EPG5: variants seen among roughly 807,000 people sequenced by gnomAD.
EPG5 encodes the protein ectopic P-granules 5 autophagy tethering factor.
In EPG5, 159 loss-of-function variants were observed where a neutral mutation model predicts 302.7. The ratio of observed to expected loss-of-function variants is 0.53; its 90% CI spans 0.46 to 0.60. The LOEUF (loss-of-function observed/expected upper bound fraction) is 0.60, where lower values mean the gene tolerates loss of function less well. Among genes scored for constraint, EPG5 ranks in the 20% least tolerant of loss-of-function variants. The probability of loss-of-function intolerance (pLI) is 0.00; values close to 1 mark genes in which losing one functional copy is unlikely to be tolerated. For missense variants in EPG5, 2,896 were observed against 3,092.4 expected, an observed-to-expected ratio of 0.94 and a Z score of 1.51; for synonymous variants, 1,158 against 1,136.8, an observed-to-expected ratio of 1.02 and a Z score of -0.37.
intron 22 of EPG5, among the ~76,000 whole-genome samples, chr18:45,911,106 C>T (rs1294524643): frequency 1.0e-3 from 148 of 144,986 alleles, no homozygotes; most frequent in African/African-American, 3.4e-3. Context: ...CACACACACA[C>T]ACACATATAT....
chr18:45,855,004 T>C (rs567688584), intron 43 of EPG5, among the ~76,000 whole-genome samples: 2 of 152,120 alleles, frequency 1.3e-5, no homozygotes, highest in South Asian at 4.1e-4. Flanking sequence ...CATCATTTTT[T>C]ACTGTGCACC....
In EPG5 at chr18:45,954,689, C is replaced by T. The variant is rs370270531; in HGVS notation, c.713G>A (p.Arg238His). 9 of 1,614,208 alleles carry T rather than the reference C, an allele frequency of 5.6e-6. No individual in the cohort carries two copies. Among genetic ancestry groups the T allele is most frequent in the East Asian group, 2.2e-5 (1 of 44,880 alleles). The change falls in exon 2 of 44, where the codon CGC (arginine) becomes CAC (histidine). Residue 238 changes from arginine to histidine, a missense_variant. Transcript: ENST00000282041. Reference protein sequence around the residue: ...PALVAVKPLLRSERLYPELPS... With the variant: ...PALVAVKPLLHSERLYPELPS... ...GAGTTCTGGGTAGAGTCGCTCACTG[C>T]GAAGCAAGGGTTTCACTGCCACCAA... is the stretch of plus-strand genomic sequence containing the variant.
chr18:45,952,847 T>C (rs2050942389), intron 2 of EPG5, among the ~76,000 whole-genome samples: 1 of 152,034 alleles, frequency 6.6e-6, no homozygotes, highest in African/African-American at 2.4e-5. Flanking sequence ...CACAAATACA[T>C]CGCAAATTCA....
the EPG5 span, among the ~76,000 whole-genome samples, chr18:45,818,837 G>A: frequency 3.4e-5 from 5 of 146,380 alleles, no homozygotes; most frequent in Non-Finnish European, 7.4e-5. Flanking sequence ...GGGTTCAAGC[G>A]ATTCTTGTGC....
Position 45,928,894 on chromosome 18 carries a change from T to C in EPG5, c.2528A>G (p.Gln843Arg). ...EIISVLLDRV[Q>R]ETIDQVGMVS... Reference sequence around the variant, plus strand: ...CATTCCAACCTGGTCAATGGTCTCTTGAACTCTATCCAGAAGGACGGAAAT... The same window carrying C: ...CATTCCAACCTGGTCAATGGTCTCTCGAACTCTATCCAGAAGGACGGAAAT... The change falls in exon 13 of 44, where the codon CAA becomes CGA. Residue 843 changes from glutamine to arginine, a missense_variant. By Grantham distance (43) the Gln-to-Arg change is conservative. Coordinates refer to ENST00000282041, the MANE Select transcript of EPG5 (RefSeq NM_020964.3). 2 of 1,613,938 alleles carry C rather than the reference T, an allele frequency of 1.2e-6. No homozygotes were observed. The highest frequency in any genetic ancestry group is 1.7e-6 in the Non-Finnish European group (2 of 1,179,962).
intron 25 of EPG5, among the ~76,000 whole-genome samples, chr18:45,902,797 G>C: frequency 6.6e-6 from 1 of 152,216 alleles, no homozygotes; most frequent in Non-Finnish European, 1.5e-5. Context: ...GTGAACAGCA[G>C]GTCTCTGGAG....
At chr18:45,825,215 G>A in the EPG5 span, among the ~76,000 whole-genome samples, 2 of 144,336 alleles carry the variant, frequency 1.4e-5, no homozygotes, top group Non-Finnish European at 3.0e-5. Flanking sequence ...AGGGATAGAG[G>A]GAGGGAGAGA....
At chr18:45,855,546 T>A (rs1291226780) in intron 43 of EPG5, 27 bp downstream of exon 43, 2 of 1,573,312 alleles carry the variant, frequency 1.3e-6, no homozygotes, top group South Asian at 2.2e-5. Context: ...GCAGGCAAAC[T>A]TCTAACCCTT....
intron 1 of EPG5, among the ~76,000 whole-genome samples, chr18:45,956,944 G>A (rs1016257774): frequency 6.0e-5 from 9 of 150,544 alleles, no homozygotes; most frequent in Non-Finnish European, 1.3e-4. Context: ...GCATTAATAC[G>A]CAAACTAGAT....
At position 45,930,787 on chromosome 18, in the gene EPG5, C is replaced by T. The variant is rs2050381780; in HGVS notation, c.2301G>A (p.Met767Ile). ...FTNFEKCLSS[M>I]NSSEEICLLT... The stretch of plus-strand genomic sequence containing the variant: ...GAAGGCAAATCTCTTCTGAGCTATT[C>T]ATAGAAGAAAGACACTTCTCAAAGT... Residue 767 changes from methionine (M) to isoleucine (I), a missense_variant, in exon 12 of 44, where the codon ATG becomes ATA. Met to Ile is a conservative substitution (Grantham distance 10, BLOSUM62 1). Transcript: ENST00000282041. The T allele has an allele frequency of 6.2e-7, 1 of 1,607,558 alleles. No homozygotes were observed.
the EPG5 span, among the ~76,000 whole-genome samples, chr18:45,826,717 T>C: frequency 2.0e-5 from 3 of 152,078 alleles, no homozygotes; most frequent in Admixed American, 1.3e-4. Flanking sequence ...CTGTATGGGG[T>C]CCTGGCTCCA....
Position 45,877,702 on chromosome 18 carries a change from G to A in EPG5, c.5942+674C>T, listed in dbSNP as rs147718255. Among the ~76,000 whole-genome samples the A allele has an allele frequency of 3.8e-3, 578 of 152,288 alleles. 6 individuals are homozygous for A. Among genetic ancestry groups the A allele is most frequent in the African/African-American group, 0.013 (546 of 41,554 alleles). On this transcript the variant is annotated intron_variant, in intron 34 of 43. Transcript: ENST00000282041. ...GTCTAAGACCTGAGTTCTAGTCGCA[G>A]CTTCAGCACTAACCAACCAGCTATG...
At chr18:45,965,502 G>A (rs1399690609) in intron 1 of EPG5, among the ~76,000 whole-genome samples, 3 of 152,124 alleles carry the variant, frequency 2.0e-5, no homozygotes, top group Non-Finnish European at 4.4e-5. Flanking sequence ...ATCCACATAA[G>A]TCATCTACAG....
At chr18:45,843,872 C>T (rs900583151), downstream of EPG5, 9 of 151,936 alleles carry the variant, frequency 5.9e-5, no homozygotes, top group Non-Finnish European at 7.4e-5. Flanking sequence ...GAGAGACTGT[C>T]TCCAAAGAAA....
intron 34 of EPG5, 147 bp downstream of exon 34, chr18:45,878,229 A>C (rs2049013823): frequency 4.9e-6 from 3 of 606,642 alleles, no homozygotes; most frequent in South Asian, 2.0e-5. Flanking sequence ...AAAATGTCTT[A>C]AGTTTTGAAA....
chr18:45,935,048 A>G, intron 10 of EPG5, 82 bp from the exon 11 acceptor site: 1 of 1,372,708 alleles, frequency 7.3e-7, no homozygotes, highest in Non-Finnish European at 9.9e-7. Context: ...CTCTCAAGGA[A>G]AAAAAGATTC....
intron 14 of EPG5, among the ~76,000 whole-genome samples, chr18:45,924,757 T>C (rs905412773): frequency 6.6e-6 from 1 of 152,214 alleles, no homozygotes; most frequent in Non-Finnish European, 1.5e-5. Context: ...CCTCATTTGT[T>C]TAACCTTTAC....
Position 45,903,966 on chromosome 18 carries a change from G to A in EPG5, c.4474+7C>T. ...CATTCGAAGGGGCAGGTGCTCCCAG[G>A]ACCCACCCAGCAAAGGATCAGTGAA... is the stretch of plus-strand genomic sequence containing the variant. On this transcript the variant is annotated splice_region_variant and intron_variant, in intron 25 of 43. Coordinates refer to ENST00000282041, the MANE Select transcript of EPG5 (RefSeq NM_020964.3). The A allele has an allele frequency of 6.2e-7, 1 of 1,604,284 alleles. No homozygotes were observed. The highest frequency in any genetic ancestry group is 2.3e-5 in the East Asian group (1 of 44,232).
chr18:45,947,648 C>A (rs1268327601), intron 6 of EPG5, among the ~76,000 whole-genome samples: 1 of 152,218 alleles, frequency 6.6e-6, no homozygotes, highest in East Asian at 1.9e-4. Context: ...CACACCTTTG[C>A]TTCAGCCACA....
Sources: allele counts gnomAD v4.1 joint callset (sites outside exome capture counted in the v4.1 genomes callset), GRCh38; gene constraint gnomAD v4.1.1; transcripts MANE v1.5; gene names NCBI Gene and HGNC (gene_info 2026-07-23, HGNC 2026-07-21).